Variants in AGAP1 observed in about 807,000 individuals in gnomAD.
The protein encoded by AGAP1 is ArfGAP with GTPase domain, ankyrin repeat and PH domain 1, also known as arf-GAP with GTPase, ANK repeat and PH domain-containing protein 1.
Under a neutral mutation model 105.3 loss-of-function variants are expected in AGAP1, and 29 were observed. That is an observed-to-expected ratio of 0.28 (90% CI 0.21 to 0.38). The LOEUF is 0.38. AGAP1 is among the 10% of genes least tolerant of loss of function. AGAP1 has a pLI of 1.00. For missense variants in AGAP1, 998 were observed against 1,165.1 expected (o/e 0.86, Z 2.09); for synonymous variants, 509 against 485.9 (o/e 1.05, Z -0.63).
intron 1 of AGAP1, among the ~76,000 whole-genome samples, chr2:235,704,595 AAG>A (rs1950430172): frequency 6.6e-6 from 1 of 152,004 alleles, no homozygotes; most frequent in Non-Finnish European, 1.5e-5. Flanking sequence ...GCAGTGAGCC[AAG>A]ATCGCGCCAC....
Position 235,577,357 on chromosome 2 carries a change from A to G in AGAP1, c.163+82508A>G, listed in dbSNP as rs1451769100. On this transcript the variant is annotated intron_variant, in intron 1 of 17. Transcript: ENST00000304032. The surrounding 1 kb of genome is among the most constrained non-coding windows in gnomAD (Gnocchi z 4.5). The stretch of plus-strand genomic sequence containing the variant: ...TCAATTCGGCCACATTTTAGTGCTC[A>G]GTAGCACCTGTGGCTGGAGCTACTG... 1.3e-5 allele frequency among the ~76,000 whole-genome samples: 2 copies of G among 152,184 alleles called. No homozygotes were observed. Among genetic ancestry groups the G allele is most frequent in the Non-Finnish European group, 2.9e-5 (2 of 68,038 alleles).
rs570359679 is a variant in AGAP1, at chr2:235,967,432, C to G, written c.1484-1030C>G. Among the ~76,000 whole-genome samples the G allele has an allele frequency of 6.6e-6, 1 of 152,202 alleles. No individual in the cohort carries two copies. The highest frequency in any genetic ancestry group is 1.5e-5 in the Non-Finnish European group (1 of 68,034). On this transcript the variant is annotated intron_variant, in intron 12 of 17. Coordinates refer to ENST00000304032, the MANE Select transcript of AGAP1 (RefSeq NM_001037131.3). This position sits in a 1 kb window ranked among gnomAD's most constrained non-coding sequence, Gnocchi z 4.7. Reference sequence around the variant, plus strand: ...TTCTGATGGACTCCAGGTTCTGGCCCGGCTGCCATGTCACTGCCACTCCAC... The same window carrying G: ...TTCTGATGGACTCCAGGTTCTGGCCGGGCTGCCATGTCACTGCCACTCCAC...
At chr2:235,547,424 T>C (rs1407336468) in intron 1 of AGAP1, among the ~76,000 whole-genome samples, 1 of 150,940 alleles carries the variant, frequency 6.6e-6, no homozygotes, top group Non-Finnish European at 1.5e-5. Flanking sequence ...AGTGGTGCGA[T>C]CTCGGCTCAC....
Position 236,035,453 on chromosome 2 carries a change from C to G in AGAP1, c.1646-1108C>G, listed in dbSNP as rs1360481029. Reference sequence around the variant, plus strand: ...GTTTGAGACCAGCCTAGGGAGACACCATCTCTACAAAAAATGTCTAACAAT... The same window carrying G: ...GTTTGAGACCAGCCTAGGGAGACACGATCTCTACAAAAAATGTCTAACAAT... On this transcript the variant is annotated intron_variant, in intron 13 of 17. Transcript: ENST00000304032. This position sits in a 1 kb window ranked among gnomAD's most constrained non-coding sequence, Gnocchi z 4.2. 1.3e-5 allele frequency among the ~76,000 whole-genome samples: 2 copies of G among 151,960 alleles called. No individual in the cohort carries two copies. The highest frequency in any genetic ancestry group is 2.1e-4 in the South Asian group (1 of 4,822).
rs952432721 is a variant in AGAP1, at chr2:235,608,930, T to C, written c.164-100249T>C. Among the ~76,000 whole-genome samples the C allele has an allele frequency of 6.6e-6, 1 of 151,506 alleles. No homozygotes were observed. Among genetic ancestry groups the C allele is most frequent in the Non-Finnish European group, 1.5e-5 (1 of 67,928 alleles). ...TTCTTGACTTCCCCCCCATCCCTAA[T>C]ACCCCCAACTATGCAAATGATAGTA... On this transcript the variant is annotated intron_variant, in intron 1 of 17. Transcript: ENST00000304032. This position sits in a 1 kb window ranked among gnomAD's most constrained non-coding sequence, Gnocchi z 5.4.
chr2:235,936,690 C>T lies in AGAP1; in HGVS notation c.1483+5767C>T, dbSNP rs2053007454. On this transcript the variant is annotated intron_variant, in intron 12 of 17. Transcript: ENST00000304032. The surrounding 1 kb of genome is among the most constrained non-coding windows in gnomAD (Gnocchi z 4.7). ...AGCAGGCGGCGGTAATGTGATACTGCCGGTCTCTGACCTGGAAGCTTCTTT... is the reference window on the plus strand; with the variant it reads ...AGCAGGCGGCGGTAATGTGATACTGTCGGTCTCTGACCTGGAAGCTTCTTT... Among the ~76,000 whole-genome samples, 1 of 152,130 alleles carries T rather than the reference C, an allele frequency of 6.6e-6. No individual in the cohort carries two copies. The highest frequency in any genetic ancestry group is 6.5e-5 in the Admixed American group (1 of 15,274).
intron 1 of AGAP1, among the ~76,000 whole-genome samples, chr2:235,618,744 A>G (rs1946384202): frequency 6.6e-6 from 1 of 152,202 alleles, no homozygotes; most frequent in African/African-American, 2.4e-5. Context: ...CCTCAAAACA[A>G]AAGCAGAAAT....
chr2:235,762,993 C>G (rs1000099766), intron 6 of AGAP1, among the ~76,000 whole-genome samples: 1 of 150,582 alleles, frequency 6.6e-6, no homozygotes, highest in Non-Finnish European at 1.5e-5. Flanking sequence ...ATAAAAACCA[C>G]TGACAACACT....
intron 13 of AGAP1, among the ~76,000 whole-genome samples, chr2:236,024,606 G>T (rs1050077506): frequency 1.3e-5 from 2 of 151,872 alleles, no homozygotes; most frequent in African/African-American, 4.8e-5. Flanking sequence ...CTAGAATTCC[G>T]CAAAAAAATA....
In AGAP1 at chr2:235,720,649, A is replaced by G. The variant is rs1951335723; in HGVS notation, c.310+3005A>G. ...TTTTGCTGTGTATCTGCCTGTCCAGATAGTTCCTTGGATTCTCCCTGCGCT... is the reference window on the plus strand; with the variant it reads ...TTTTGCTGTGTATCTGCCTGTCCAGGTAGTTCCTTGGATTCTCCCTGCGCT... On this transcript the variant is annotated intron_variant, in intron 3 of 17. Transcript: ENST00000304032. This position sits in a 1 kb window ranked among gnomAD's most constrained non-coding sequence, Gnocchi z 5.0. 1.0e-6 allele frequency: 1 copy of G among 985,154 alleles called. No individual in the cohort carries two copies. Among genetic ancestry groups the G allele is most frequent in the Non-Finnish European group, 1.2e-6 (1 of 829,834 alleles). 61.0% of individuals were successfully genotyped at this position (985,154 alleles called of 1,614,324 possible).
rs1453695550 is a variant in AGAP1, at chr2:235,690,129, TCCCCTCTCCCCCTACCTGA to T, written c.164-19049_164-19031del. 3.3e-5 allele frequency among the ~76,000 whole-genome samples: 5 copies of T among 152,136 alleles called. No individual in the cohort carries two copies. The East Asian group carries it at 9.7e-4, about 29-fold the overall frequency. On this transcript the variant is annotated intron_variant, in intron 1 of 17. Coordinates refer to ENST00000304032, the MANE Select transcript of AGAP1 (RefSeq NM_001037131.3). This position sits in a 1 kb window ranked among gnomAD's most constrained non-coding sequence, Gnocchi z 4.1. Reference sequence around the variant, plus strand: ...CTCCCCAGGTGCTGAGTCCCCAGGTTCCCCTCTCCCCCTACCTGAGGTACTGAGGGATCTCACTTGCTAC... The same window carrying T: ...CTCCCCAGGTGCTGAGTCCCCAGGTTGGTACTGAGGGATCTCACTTGCTAC...
intron 16 of AGAP1, among the ~76,000 whole-genome samples, chr2:236,116,978 C>T (rs1168650245): frequency 6.6e-6 from 1 of 152,166 alleles, no homozygotes; most frequent in East Asian, 1.9e-4. Flanking sequence ...TGTATATACA[C>T]CACAGTTTCT....
chr2:235,522,164 T>C (rs1042727664), intron 1 of AGAP1, among the ~76,000 whole-genome samples: 1 of 152,214 alleles, frequency 6.6e-6, no homozygotes, highest in African/African-American at 2.4e-5. Context: ...TGGCAGTTCC[T>C]TAAACGTCAG....
intron 6 of AGAP1, among the ~76,000 whole-genome samples, chr2:235,782,444 C>A (rs1398064450): frequency 6.6e-6 from 1 of 152,198 alleles, no homozygotes; most frequent in Non-Finnish European, 1.5e-5. Flanking sequence ...ACTTACATAT[C>A]TCATCCACAG....
intron 1 of AGAP1, among the ~76,000 whole-genome samples, chr2:235,682,662 T>G (rs1949142605): frequency 6.6e-6 from 1 of 152,090 alleles, no homozygotes; most frequent in African/African-American, 2.4e-5. Flanking sequence ...CTGATTTTGC[T>G]TCTAGATTTG....
At position 235,494,136 on chromosome 2, in the gene AGAP1, C is replaced by A; in HGVS notation, c.-551C>A. 6.9e-6 allele frequency: 1 copy of A among 143,980 alleles called. No homozygotes were observed. Among genetic ancestry groups the A allele is most frequent in the South Asian group, 1.9e-4 (1 of 5,306 alleles). The allele number at this position is 143,980 out of a possible 1,614,324, so 8.9% of individuals were successfully genotyped here. A position where few individuals can be genotyped will look rare whatever the true frequency, so the allele number is the denominator to read the frequency against. ...GCTTGCAAGGCGCCTGCGACTCGGT[C>A]CCAGGTCGGCGGGCGGCGCACGGCG... On this transcript the variant is annotated 5_prime_UTR_variant, in exon 1 of 18. Coordinates refer to ENST00000304032, the MANE Select transcript of AGAP1 (RefSeq NM_001037131.3).
At chr2:236,054,660 G>T (rs547623442) in intron 16 of AGAP1, among the ~76,000 whole-genome samples, 1 of 152,074 alleles carries the variant, frequency 6.6e-6, no homozygotes, top group African/African-American at 2.4e-5. Flanking sequence ...ACAAGCTACC[G>T]GCAGTGTCCA....
chr2:235,910,893 C>G (rs1252795867), intron 11 of AGAP1, among the ~76,000 whole-genome samples: 1 of 58,642 alleles, frequency 1.7e-5, no homozygotes, highest in South Asian at 6.4e-4. Context: ...CCAGCCTGCG[C>G]GACAGAGTGA....
intron 1 of AGAP1, among the ~76,000 whole-genome samples, chr2:235,702,085 A>G (rs954570296): frequency 3.9e-5 from 6 of 152,106 alleles, no homozygotes; most frequent in African/African-American, 9.7e-5. Flanking sequence ...CCTTGTGTAT[A>G]ATTTCACGAG....
Sources: gnomAD v4.1 joint callset for allele counts (sites outside exome capture counted in the v4.1 genomes callset) on GRCh38, gnomAD v4.1.1 for gene constraint, Gnocchi (gnomAD v3.1) non-coding constraint, MANE v1.5 for transcripts, NCBI Gene and HGNC (gene_info 2026-07-23, HGNC 2026-07-21) for gene names.